Variants in EHBP1 observed in about 807,000 individuals in gnomAD.
The protein encoded by EHBP1 is EH domain-binding protein 1.
A neutral mutation model predicts 144.0 loss-of-function variants in EHBP1; 55 were observed. That is an observed-to-expected ratio of 0.38 (90% CI 0.31 to 0.48). The LOEUF (loss-of-function observed/expected upper bound fraction) is 0.48, where lower values mean the gene tolerates loss of function less well. EHBP1 is among the 20% of genes least tolerant of loss of function. The pLI is 0.98. For missense variants in EHBP1, 1,200 were observed against 1,364.2 expected (o/e 0.88, Z 1.90); for synonymous variants, 469 against 472.7 (o/e 0.99, Z 0.10).
intron 10 of EHBP1, among the ~76,000 whole-genome samples, chr2:62,882,774 C>T (rs2051569839): frequency 6.6e-6 from 1 of 151,948 alleles, no homozygotes; most frequent in Non-Finnish European, 1.5e-5. Context: ...CCCAGCTACT[C>T]AGGAGGCTGA....
chr2:63,024,968 C>A (rs532356733), intron 19 of EHBP1, among the ~76,000 whole-genome samples: 1 of 151,656 alleles, frequency 6.6e-6, no homozygotes, highest in African/African-American at 2.4e-5. Context: ...CGAATTCTAG[C>A]CTGGGCAACA....
At chr2:62,681,541 C>T (rs1231537861) in intron 1 of EHBP1, among the ~76,000 whole-genome samples, 1 of 151,618 alleles carries the variant, frequency 6.6e-6, no homozygotes, top group Admixed American at 6.6e-5. Flanking sequence ...TGATCTGAAG[C>T]CTGACAAATT....
chr2:62,713,115 T>A (rs1359642698), intron 2 of EHBP1, among the ~76,000 whole-genome samples: 2 of 152,060 alleles, frequency 1.3e-5, no homozygotes, highest in Admixed American at 1.3e-4. Context: ...TGAAATGGAG[T>A]AAAAGATTTT....
intron 12 of EHBP1, 147 bp from the exon 13 acceptor site, chr2:62,948,111 CAT>C (rs770852159): frequency 3.5e-4 from 176 of 506,974 alleles, no homozygotes; most frequent in Middle Eastern, 1.1e-3. Flanking sequence ...CACTTTTACA[CAT>C]GTCTGACTTT....
intron 14 of EHBP1, among the ~76,000 whole-genome samples, chr2:62,961,289 A>G (rs1295101253): frequency 1.3e-5 from 2 of 152,184 alleles, no homozygotes; most frequent in Admixed American, 1.3e-4. Flanking sequence ...AAAACTACTT[A>G]TTGCCTTTCA....
At position 62,948,464 on chromosome 2, in the gene EHBP1, A is replaced by G; in HGVS notation, c.1618A>G (p.Thr540Ala). The G allele has an allele frequency of 1.2e-6, 2 of 1,613,464 alleles. No individual in the cohort carries two copies. The highest frequency in any genetic ancestry group is 1.7e-6 in the Non-Finnish European group (2 of 1,179,544). ...TYKVGNYETD[T>A]NSSVDQEKFY... ...TAAAGTTGGAAACTATGAAACAGAT[A>G]CAAACAGTTCTGTTGATCAAGAAAA... The change falls in exon 13 of 23, where the codon ACA becomes GCA. Residue 540 changes from threonine (T) to alanine (A), a missense_variant. By Grantham distance (58) the Thr-to-Ala change is moderately conservative. Coordinates refer to ENST00000431489, the MANE Select transcript of EHBP1 (RefSeq NM_001142616.3).
intron 1 of EHBP1, among the ~76,000 whole-genome samples, chr2:62,677,086 G>A (rs766246906): frequency 1.4e-4 from 21 of 152,128 alleles, no homozygotes; most frequent in Admixed American, 5.2e-4. Flanking sequence ...GGTAGAGCTG[G>A]GGGGCAAGGG....
At chr2:62,688,672 C>G (rs1220663274) in intron 1 of EHBP1, among the ~76,000 whole-genome samples, 2 of 152,054 alleles carry the variant, frequency 1.3e-5, no homozygotes, top group African/African-American at 2.4e-5. Flanking sequence ...CTACTTTTCA[C>G]TTCTATGAGA....
chr2:62,785,546 C>T (rs1162531690), intron 5 of EHBP1, among the ~76,000 whole-genome samples: 3 of 152,064 alleles, frequency 2.0e-5, no homozygotes, highest in East Asian at 3.9e-4. Context: ...TGCTCTTAGT[C>T]AGTATAGAGA....
intron 5 of EHBP1, among the ~76,000 whole-genome samples, chr2:62,816,395 G>T (rs1174486674): frequency 1.3e-5 from 2 of 152,070 alleles, no homozygotes; most frequent in Non-Finnish European, 2.9e-5. Flanking sequence ...TAGATTGTTA[G>T]CTTTTAATAG....
At chr2:62,946,063 T>A (rs931761283) in intron 12 of EHBP1, among the ~76,000 whole-genome samples, 1 of 152,204 alleles carries the variant, frequency 6.6e-6, no homozygotes, top group Non-Finnish European at 1.5e-5. Context: ...TTTCTTACAT[T>A]TGAACAAAGT....
At chr2:63,020,825 C>G (rs1378750928) in intron 19 of EHBP1, among the ~76,000 whole-genome samples, 12 of 151,670 alleles carry the variant, frequency 7.9e-5, no homozygotes, top group African/African-American at 7.3e-5. Flanking sequence ...ATTACAGACA[C>G]GTGCCACCAT....
At chr2:62,988,372 G>A (rs868759269) in intron 15 of EHBP1, among the ~76,000 whole-genome samples, 1 of 151,980 alleles carries the variant, frequency 6.6e-6, no homozygotes, top group Non-Finnish European at 1.5e-5. Flanking sequence ...ATGTCAGAAG[G>A]TATATATTCC....
At chr2:62,865,042 T>A in intron 9 of EHBP1, 71 bp downstream of exon 9, 1 of 1,493,704 alleles carries the variant, frequency 6.7e-7, no homozygotes, top group Non-Finnish European at 9.1e-7. Flanking sequence ...TTTTGTAATG[T>A]ACCTTTAGAT....
chr2:62,950,201 C>T (rs2057302532), intron 13 of EHBP1, among the ~76,000 whole-genome samples: 1 of 151,834 alleles, frequency 6.6e-6, no homozygotes, highest in African/African-American at 2.4e-5. Context: ...GTTCTCAAAG[C>T]CAGATTTGGG....
intron 1 of EHBP1, among the ~76,000 whole-genome samples, chr2:62,681,375 A>G (rs1243918595): frequency 8.7e-6 from 1 of 114,906 alleles, no homozygotes; most frequent in Non-Finnish European, 1.8e-5. Flanking sequence ...GTATATATGT[A>G]TAAATATATA....
intron 4 of EHBP1, among the ~76,000 whole-genome samples, chr2:62,771,074 C>T (rs1216229378): frequency 6.6e-6 from 1 of 152,004 alleles, no homozygotes; most frequent in African/African-American, 2.4e-5. Flanking sequence ...AGAATTCGTA[C>T]CTGGGTGAGA....
At chr2:62,739,120 C>T (rs1188523840) in intron 2 of EHBP1, among the ~76,000 whole-genome samples, 1 of 152,184 alleles carries the variant, frequency 6.6e-6, no homozygotes, top group Non-Finnish European at 1.5e-5. Context: ...ATTCTTATTT[C>T]ACAGATGAGG....
chr2:63,008,347 A>T lies in EHBP1; in HGVS notation c.3103+11581A>T, dbSNP rs562944492. ...TTTTGTTGTACACTCCTGTGGTGCC[A>T]CTAAATTTTTGGAAATTAATTCAGA... On this transcript the variant is annotated intron_variant, in intron 19 of 22. Coordinates refer to ENST00000431489, the MANE Select transcript of EHBP1 (RefSeq NM_001142616.3). 9.9e-5 allele frequency among the ~76,000 whole-genome samples: 15 copies of T among 151,802 alleles called. No individual in the cohort carries two copies. In the South Asian group the frequency reaches 3.1e-3, roughly 31 times the overall value.
Sources: gnomAD v4.1 joint callset for allele counts (sites outside exome capture counted in the v4.1 genomes callset) on GRCh38, gnomAD v4.1.1 for gene constraint, MANE v1.5 for transcripts, NCBI Gene and HGNC (gene_info 2026-07-23, HGNC 2026-07-21) for gene names.